Variants in TRPM3 observed in about 807,000 individuals in gnomAD.
The protein encoded by TRPM3 is long transient receptor potential channel 3.
A neutral mutation model predicts 181.2 loss-of-function variants in TRPM3; 77 were observed. The observed-to-expected ratio is 0.42, with a 90% CI of 0.35 to 0.51. The LOEUF is 0.51. TRPM3 is among the 20% of genes least tolerant of loss of function. TRPM3 has a pLI of 0.01. For synonymous variants in TRPM3, 745 were observed against 796.4 expected (o/e 0.94, Z 1.09); for missense variants, 1,759 against 2,196.7 (o/e 0.80, Z 3.98).
At chr9:71,059,141 C>T (rs1591062358) in intron 1 of TRPM3, among the ~76,000 whole-genome samples, 1 of 138,824 alleles carries the variant, frequency 7.2e-6, no homozygotes, top group African/African-American at 2.7e-5. Context: ...GTTACCAAAA[C>T]CAAAGAAGGA....
At chr9:71,269,664 G>A (rs767071337) in intron 1 of TRPM3, among the ~76,000 whole-genome samples, 3 of 152,176 alleles carry the variant, frequency 2.0e-5, no homozygotes, top group Admixed American at 6.5e-5. Flanking sequence ...ATCGGAGTGA[G>A]TGATGCCCTA....
chr9:71,187,984 T>G (rs571336950), intron 1 of TRPM3, among the ~76,000 whole-genome samples: 59 of 151,964 alleles, frequency 3.9e-4, no homozygotes, highest in Non-Finnish European at 5.9e-4. Flanking sequence ...TAACCAGTAT[T>G]CAATTCTATA....
intron 1 of TRPM3, among the ~76,000 whole-genome samples, chr9:71,363,134 A>C (rs141654075): frequency 6.6e-6 from 1 of 152,214 alleles, no homozygotes; most frequent in Non-Finnish European, 1.5e-5. Flanking sequence ...AATTTCTGCA[A>C]GTGGGCTCTG....
chr9:70,924,745 T>C (rs538220339), intron 1 of TRPM3, among the ~76,000 whole-genome samples: 4 of 152,316 alleles, frequency 2.6e-5, no homozygotes, highest in Admixed American at 2.6e-4. Context: ...GTAAGCCTTA[T>C]AGTCCTGATA....
At chr9:70,925,410 G>T (rs2096711073) in intron 1 of TRPM3, among the ~76,000 whole-genome samples, 1 of 152,016 alleles carries the variant, frequency 6.6e-6, no homozygotes, top group African/African-American at 2.4e-5. Context: ...AATGTTTTAG[G>T]GAGGCTGTGG....
intron 1 of TRPM3, among the ~76,000 whole-genome samples, chr9:71,101,387 T>C (rs902272951): frequency 2.6e-5 from 4 of 152,102 alleles, no homozygotes; most frequent in Admixed American, 6.6e-5. Context: ...GAAACTAATG[T>C]AGGAAAATGT....
chr9:70,951,458 C>T (rs1707589283), intron 1 of TRPM3, among the ~76,000 whole-genome samples: 1 of 152,168 alleles, frequency 6.6e-6, no homozygotes, highest in African/African-American at 2.4e-5. Flanking sequence ...CCCTCTGCCT[C>T]AGCCTCCCAA....
chr9:70,898,387 G>A (rs1249685210), intron 1 of TRPM3, among the ~76,000 whole-genome samples: 1 of 151,306 alleles, frequency 6.6e-6, no homozygotes, highest in African/African-American at 2.4e-5. Flanking sequence ...CTCCCAAAGT[G>A]CTGAGATTAC....
rs1366727244 is a variant in TRPM3, at chr9:71,121,220, C to G, written c.135G>C (p.Lys45Asn). 1.2e-6 allele frequency: 2 copies of G among 1,614,134 alleles called. No individual in the cohort carries two copies. The highest frequency in any genetic ancestry group is 1.7e-6 in the Non-Finnish European group (2 of 1,179,964). ...ATGGAAGAAAGGCTGCGTGGCACAG[C>G]TTCCGGATGGTCCAGTTTAGGGGTC... is the stretch of plus-strand genomic sequence containing the variant. ...APRPLNWTIRKLCHAAFLPSV... is the reference protein window; with the variant it reads ...APRPLNWTIRNLCHAAFLPSV... Residue 45 changes from lysine (K) to asparagine (N), a missense_variant, in exon 1 of 26, where the codon AAG (lysine) becomes AAC (asparagine). Physicochemically the swap from Lys to Asn is moderately conservative, Grantham distance 94. This residue lies in a region of TRPM3 where 737 missense variants were observed against 957.4 expected (regional missense o/e 0.77). Coordinates refer to ENST00000677713, the MANE Select transcript of TRPM3 (RefSeq NM_001366145.2).
chr9:70,627,891 A>G (rs2064959782), intron 12 of TRPM3, among the ~76,000 whole-genome samples: 1 of 152,060 alleles, frequency 6.6e-6, no homozygotes, highest in Non-Finnish European at 1.5e-5. Flanking sequence ...ATCTTTATCC[A>G]TCTAACTGAA....
intron 1 of TRPM3, among the ~76,000 whole-genome samples, chr9:70,961,386 T>A (rs2097135232): frequency 6.6e-6 from 1 of 152,182 alleles, no homozygotes; most frequent in Non-Finnish European, 1.5e-5. Flanking sequence ...CATCTTAAGC[T>A]GTTAAGTTTG....
chr9:70,640,758 C>G, intron 9 of TRPM3, 98 bp from the exon 10 acceptor site: 1 of 877,834 alleles, frequency 1.1e-6, no homozygotes, highest in Non-Finnish European at 1.8e-6. Flanking sequence ...CATTAATGCC[C>G]CTATTCCCAA....
intron 1 of TRPM3, among the ~76,000 whole-genome samples, chr9:71,190,193 C>G (rs72733813): frequency 2.0e-5 from 3 of 151,764 alleles, no homozygotes; most frequent in African/African-American, 7.3e-5. Flanking sequence ...CACATAGCTG[C>G]GCAATGTGGG....
intron 22 of TRPM3, among the ~76,000 whole-genome samples, chr9:70,576,092 G>C (rs564474872): frequency 3.9e-5 from 6 of 152,228 alleles, no homozygotes; most frequent in African/African-American, 1.4e-4. Flanking sequence ...ATGCCATTTT[G>C]ACATACTTGT....
intron 8 of TRPM3, among the ~76,000 whole-genome samples, chr9:70,692,578 T>C (rs1456927852): frequency 1.3e-5 from 2 of 152,200 alleles, no homozygotes; most frequent in African/African-American, 4.8e-5. Context: ...AACACAGGCA[T>C]GTGCATATGT....
At chr9:71,046,212 C>G (rs1373951865) in intron 1 of TRPM3, among the ~76,000 whole-genome samples, 1 of 152,088 alleles carries the variant, frequency 6.6e-6, no homozygotes. Flanking sequence ...GTCTTGAACT[C>G]CTAACCTCGT....
chr9:70,631,879 G>A (rs1564633244), intron 12 of TRPM3, among the ~76,000 whole-genome samples: 1 of 152,270 alleles, frequency 6.6e-6, no homozygotes, highest in East Asian at 1.9e-4. Context: ...CATGCTGATT[G>A]ACTTATGATG....
rs12686531 is a variant in TRPM3, at chr9:70,696,533, G to A, written c.1273-14955C>T. 3.1e-3 allele frequency among the ~76,000 whole-genome samples: 467 copies of A among 152,260 alleles called. 19 individuals carry two copies. The East Asian group carries it at 0.081, about 26-fold the overall frequency. Reference sequence around the variant, plus strand: ...CATTTGGTCAGGAACATTCCCATGTGCTCATAAGAGCCAATATTAAAATAA... The same window carrying A: ...CATTTGGTCAGGAACATTCCCATGTACTCATAAGAGCCAATATTAAAATAA... On this transcript the variant is annotated intron_variant, in intron 8 of 25. Transcript: ENST00000677713.
Position 70,537,055 on chromosome 9 carries a change from G to A in TRPM3, c.4058C>T (p.Ser1353Leu), listed in dbSNP as rs757200357. The A allele has an allele frequency of 4.3e-6, 7 of 1,612,288 alleles. No homozygotes were observed. Among genetic ancestry groups the A allele is most frequent in the African/African-American group, 2.7e-5 (2 of 74,888 alleles). Residue 1353 changes from serine to leucine, a missense_variant, in exon 26 of 26, where the codon TCG (serine) becomes TTG (leucine). Ser to Leu is a moderately radical substitution (Grantham distance 145). Coordinates refer to ENST00000677713, the MANE Select transcript of TRPM3 (RefSeq NM_001366145.2). ...MPRMRSHSFY[S>L]VNMKDKGGIE... Reference sequence around the variant, plus strand: ...ACCACCTTTGTCTTTCATATTGACCGAATAGAAAGAATGGCTTCGCATACG... The same window carrying A: ...ACCACCTTTGTCTTTCATATTGACCAAATAGAAAGAATGGCTTCGCATACG...
Sources: gnomAD v4.1 joint callset for allele counts (sites outside exome capture counted in the v4.1 genomes callset) on GRCh38, gnomAD v4.1.1 for gene constraint, gnomAD v4.1.1 regional missense constraint, MANE v1.5 for transcripts, NCBI Gene and HGNC (gene_info 2026-07-23, HGNC 2026-07-21) for gene names.